EPG5: variants seen among roughly 807,000 people sequenced by gnomAD.
EPG5 encodes ectopic P granules protein 5 homolog.
EPG5 carries 159 observed loss-of-function variants against 302.7 expected under a neutral mutation model. The observed-to-expected ratio is 0.53, with a 90% confidence interval of 0.46 to 0.60. The LOEUF is 0.60. EPG5 is among the 20% of genes least tolerant of loss of function. The pLI is 0.00. For missense variants in EPG5, 2,896 were observed against 3,092.4 expected (o/e 0.94, Z 1.51); for synonymous variants, 1,158 against 1,136.8 (o/e 1.02, Z -0.37).
chr18:45,850,891 A>G lies in EPG5; in HGVS notation c.*1576T>C, dbSNP rs750238391. On this transcript the variant is annotated 3_prime_UTR_variant, in exon 44 of 44. Transcript: ENST00000282041. ...ATTTTCTTATACAGAGAACAAGATG[A>G]TTAATTTTGAAAACGGAGAGAAGCA... 1.3e-5 allele frequency: 2 copies of G among 152,642 alleles called. No individual in the cohort carries two copies. The highest frequency in any genetic ancestry group is 2.9e-5 in the Non-Finnish European group (2 of 68,042). The allele number at this position is 152,642 out of a possible 1,614,324, so 9.5% of individuals were successfully genotyped here. A position where few individuals can be genotyped will look rare whatever the true frequency, so the allele number is the denominator to read the frequency against.
At chr18:45,821,152 G>A in the EPG5 span, among the ~76,000 whole-genome samples, 18 of 152,306 alleles carry the variant, frequency 1.2e-4, no homozygotes, top group Middle Eastern at 3.4e-3. Context: ...GAATGAGAGC[G>A]GTTTTCTTGT....
chr18:45,827,100 G>A, the EPG5 span, among the ~76,000 whole-genome samples: 1 of 152,184 alleles, frequency 6.6e-6, no homozygotes, highest in Non-Finnish European at 1.5e-5. Context: ...ATTTTTAGTA[G>A]AGACAGAATT....
At chr18:45,916,765 A>G in intron 17 of EPG5, 183 bp from the exon 18 acceptor site, 1 of 539,586 alleles carries the variant, frequency 1.9e-6, no homozygotes. Flanking sequence ...AAGGAATTCT[A>G]TCTACCCACA....
intron 1 of EPG5, among the ~76,000 whole-genome samples, chr18:45,958,397 G>T (rs2051077049): frequency 6.6e-6 from 1 of 152,194 alleles, no homozygotes; most frequent in Non-Finnish European, 1.5e-5. Context: ...AACAAAGTTG[G>T]AGAACTCGCA....
At chr18:45,866,726 T>C (rs2048755618) in intron 38 of EPG5, 72 bp downstream of exon 38, 3 of 1,190,322 alleles carry the variant, frequency 2.5e-6, no homozygotes, top group East Asian at 4.7e-5. Context: ...GCTTCGACTG[T>C]CCTTTGTAGC....
At chr18:45,865,131 G>A (rs2048718458) in intron 39 of EPG5, among the ~76,000 whole-genome samples, 1 of 152,092 alleles carries the variant, frequency 6.6e-6, no homozygotes, top group Non-Finnish European at 1.5e-5. Context: ...TGGCCTCTGA[G>A]GTTCCCTTAC....
chr18:45,887,561 T>C (rs2049245809), intron 29 of EPG5, among the ~76,000 whole-genome samples, 190 bp downstream of exon 29: 1 of 152,212 alleles, frequency 6.6e-6, no homozygotes, highest in Non-Finnish European at 1.5e-5. Context: ...CTCCCTTGTA[T>C]GAGAAGCAAA....
At chr18:45,837,904 G>A in the EPG5 span, 3 of 1,495,684 alleles carry the variant, frequency 2.0e-6, no homozygotes, top group Non-Finnish European at 2.6e-6. Context: ...CAGGCGAGGC[G>A]GCGTGGGAGC....
intron 23 of EPG5, among the ~76,000 whole-genome samples, chr18:45,909,551 T>C (rs531715489): frequency 2.0e-5 from 3 of 152,348 alleles, no homozygotes; most frequent in East Asian, 3.9e-4. Context: ...TATTAAGTCT[T>C]ATTTGTAAGA....
the EPG5 span, chr18:45,838,532 T>C: frequency 7.7e-6 from 6 of 780,936 alleles, no homozygotes; most frequent in South Asian, 1.0e-4. Context: ...ACTTTACACA[T>C]GGAGAAGCAG....
At chr18:45,854,100 C>G (rs906766903) in intron 43 of EPG5, among the ~76,000 whole-genome samples, 1 of 152,164 alleles carries the variant, frequency 6.6e-6, no homozygotes, top group Non-Finnish European at 1.5e-5. Flanking sequence ...CTGGTGGCCA[C>G]AGGAGACGTA....
chr18:45,912,331 C>T lies in EPG5; in HGVS notation c.3942G>A (p.Lys1314=), dbSNP rs571017810. ...DHPLLPLIWQ[K]FFLLYLHRPG... ...GACGGTGAAGATACAGAAGGAAGAA[C>T]TTCTGCCAAATGAGTGGCAGGAGGG... is the stretch of plus-strand genomic sequence containing the variant. Residue 1314 remains lysine, a synonymous_variant, in exon 22 of 44, where the codon AAG becomes AAA. Transcript: ENST00000282041. 3.0e-5 allele frequency: 48 copies of T among 1,608,270 alleles called. 1 individual carries two copies. In the South Asian group the frequency reaches 3.1e-4, roughly 10 times the overall value.
intron 2 of EPG5, chr18:45,953,997 G>T: frequency 1.2e-6 from 1 of 852,416 alleles, no homozygotes; most frequent in Non-Finnish European, 1.4e-6. Context: ...GATTTGCTTG[G>T]CCTACACTGT....
chr18:45,920,080 C>T (rs1020193049), intron 16 of EPG5, among the ~76,000 whole-genome samples: 2 of 152,204 alleles, frequency 1.3e-5, no homozygotes, highest in East Asian at 3.8e-4. Context: ...GAATCACAGG[C>T]GTCAGTGAGA....
rs1568179586 is a variant in EPG5, at chr18:45,946,673, CCTT to C, written c.1664_1666del (p.Glu555del). Reference sequence around the variant, plus strand: ...GATATGACAAGTTACCTCTTCTCCTCCTTCGTCTACTAGCGTCCAAGTCCCAGA... The same window carrying C: ...GATATGACAAGTTACCTCTTCTCCTCCGTCTACTAGCGTCCAAGTCCCAGA... On this transcript the variant is annotated inframe_deletion, in exon 7 of 44. Coordinates refer to ENST00000282041, the MANE Select transcript of EPG5 (RefSeq NM_020964.3). The C allele has an allele frequency of 6.2e-7, 1 of 1,613,602 alleles. No homozygotes were observed. Among genetic ancestry groups the C allele is most frequent in the African/African-American group, 1.3e-5 (1 of 75,048 alleles).
At chr18:45,887,612 C>A in intron 29 of EPG5, 139 bp downstream of exon 29, 1 of 613,476 alleles carries the variant, frequency 1.6e-6, no homozygotes, top group African/African-American at 1.9e-5. Context: ...GAGAAGCCTA[C>A]AACTCCAAGA....
intron 27 of EPG5, among the ~76,000 whole-genome samples, chr18:45,892,385 C>A (rs1317129711): frequency 6.6e-6 from 1 of 152,086 alleles, no homozygotes; most frequent in East Asian, 1.9e-4. Flanking sequence ...GGTGGAAGCC[C>A]CTCCACTTGA....
chr18:45,964,028 T>C (rs1664654794), intron 1 of EPG5, among the ~76,000 whole-genome samples: 1 of 152,300 alleles, frequency 6.6e-6, no homozygotes, highest in African/African-American at 2.4e-5. Flanking sequence ...ATTTTTGGTT[T>C]GCCCAAATGC....
Position 45,922,435 on chromosome 18 carries a change from C to G in EPG5, c.3004G>C (p.Glu1002Gln). The G allele has an allele frequency of 6.2e-7, 1 of 1,614,220 alleles. No individual in the cohort carries two copies. The highest frequency in any genetic ancestry group is 8.5e-7 in the Non-Finnish European group (1 of 1,180,034). ...AAGAGAGGATGAAACGTGGGTGACTCTGTCATGTCAGGCACAGTGACGGAG... is the reference window on the plus strand; with the variant it reads ...AAGAGAGGATGAAACGTGGGTGACTGTGTCATGTCAGGCACAGTGACGGAG... ...PFSVTVPDMT[E>Q]SPTFHPLLKA... is the part of the protein sequence containing the mutation. Residue 1002 changes from glutamate to glutamine, a missense_variant, in exon 16 of 44, where the codon GAG becomes CAG. By Grantham distance (29) the Glu-to-Gln change is conservative. Transcript: ENST00000282041.
Sources: gnomAD v4.1 joint callset for allele counts (sites outside exome capture counted in the v4.1 genomes callset) on GRCh38, gnomAD v4.1.1 for gene constraint, MANE v1.5 for transcripts, NCBI Gene and HGNC (gene_info 2026-07-23, HGNC 2026-07-21) for gene names.